The following MGAT4C variants were observed in gnomAD, a reference collection of about 807,000 sequenced individuals.
MGAT4C encodes alpha-1,3-mannosyl-glycoprotein 4-beta-N-acetylglucosaminyltransferase C.
In MGAT4C, 19 loss-of-function variants were observed where a neutral mutation model predicts 40.1. That is an observed-to-expected ratio of 0.47 (90% CI 0.33 to 0.70). The LOEUF (loss-of-function observed/expected upper bound fraction) is 0.70, where lower values mean the gene tolerates loss of function less well. Ranked by LOEUF, MGAT4C falls within the 30% of genes least tolerant of loss-of-function variation. The pLI, the probability that MGAT4C is intolerant of heterozygous loss-of-function variation, is 0.02. For missense variants in MGAT4C, 491 were observed against 563.2 expected, an observed-to-expected ratio of 0.87 and a Z score of 1.30; for synonymous variants, 181 against 187.1, an observed-to-expected ratio of 0.97 and a Z score of 0.27.
chr12:86,354,226 G>C (rs546126725), intron 3 of MGAT4C, among the ~76,000 whole-genome samples: 82 of 152,072 alleles, frequency 5.4e-4, no homozygotes, highest in African/African-American at 1.9e-3. Flanking sequence ...TCATCTATTT[G>C]CCTGCTAATA....
At chr12:86,629,088 A>T (rs1475731873) in intron 2 of MGAT4C, among the ~76,000 whole-genome samples, 1 of 152,148 alleles carries the variant, frequency 6.6e-6, no homozygotes, top group Non-Finnish European at 1.5e-5. Flanking sequence ...AAGAAAAAAA[A>T]ACCAGGGGTT....
At chr12:86,591,350 G>C (rs1391825269) in intron 2 of MGAT4C, among the ~76,000 whole-genome samples, 3 of 151,922 alleles carry the variant, frequency 2.0e-5, no homozygotes, top group Non-Finnish European at 4.4e-5. Context: ...TTACTATTTA[G>C]AGGATACTAT....
chr12:86,117,330 A>G (rs982160851), intron 1 of MGAT4C, among the ~76,000 whole-genome samples: 3 of 152,178 alleles, frequency 2.0e-5, no homozygotes, highest in Non-Finnish European at 4.4e-5. Context: ...AGGGATTTTG[A>G]GCAGGAAGGA....
intron 1 of MGAT4C, among the ~76,000 whole-genome samples, chr12:86,802,263 G>A (rs1952244073): frequency 1.3e-5 from 2 of 151,904 alleles, no homozygotes; most frequent in African/African-American, 4.8e-5. Flanking sequence ...TGCTACTCAG[G>A]TATGATTTTA....
chr12:86,543,068 A>G (rs1352392128), intron 2 of MGAT4C, among the ~76,000 whole-genome samples: 7 of 151,992 alleles, frequency 4.6e-5, no homozygotes, highest in African/African-American at 1.7e-4. Context: ...GTTTAAAGAA[A>G]TTTTATTTTG....
chr12:86,803,976 T>C (rs1274592426), intron 1 of MGAT4C, among the ~76,000 whole-genome samples: 4 of 132,398 alleles, frequency 3.0e-5, no homozygotes, highest in African/African-American at 5.7e-5. Flanking sequence ...CGTATGTTTA[T>C]TGCGGCATTA....
intron 2 of MGAT4C, among the ~76,000 whole-genome samples, chr12:86,481,995 C>G (rs1254466026): frequency 1.3e-5 from 2 of 150,536 alleles, no homozygotes; most frequent in African/African-American, 2.4e-5. Context: ...ATTAAAATAT[C>G]CCTGATAGTG....
At chr12:86,111,583 C>T (rs1877420773) in intron 1 of MGAT4C, among the ~76,000 whole-genome samples, 1 of 151,744 alleles carries the variant, frequency 6.6e-6, no homozygotes, top group South Asian at 2.1e-4. Context: ...GATTACTTTT[C>T]CTGCACTGTA....
rs367949962 is a variant in MGAT4C at position 86,439,657 on chromosome 12, C to A, written c.-228-4392G>T. On this transcript the variant is annotated intron_variant, in intron 2 of 7. Coordinates refer to the MGAT4C transcript ENST00000548651. The stretch of plus-strand genomic sequence containing the variant: ...GAGCAGAACTAAGTGAATTTGAAAT[C>A]AAAAATCAATACAAAAGGTAAATGA... Among the ~76,000 whole-genome samples, 16 of 151,848 alleles carry A rather than the reference C, an allele frequency of 1.1e-4. 1 individual carries two copies. The highest frequency in any genetic ancestry group is 2.9e-4 in the African/African-American group (12 of 41,488).
At chr12:86,109,658 G>C (rs537419093) in intron 1 of MGAT4C, among the ~76,000 whole-genome samples, 11 of 151,964 alleles carry the variant, frequency 7.2e-5, no homozygotes, top group African/African-American at 2.7e-4. Context: ...ATCCTAGGTA[G>C]AAAAAAGGAG....
At chr12:86,612,315 A>G (rs913202929) in intron 2 of MGAT4C, among the ~76,000 whole-genome samples, 1 of 152,104 alleles carries the variant, frequency 6.6e-6, no homozygotes, top group African/African-American at 2.4e-5. Context: ...TGGCCTAACT[A>G]TCATTTCTAT....
At chr12:86,389,812 T>C (rs931515599) in intron 3 of MGAT4C, among the ~76,000 whole-genome samples, 1 of 152,236 alleles carries the variant, frequency 6.6e-6, no homozygotes, top group African/African-American at 2.4e-5. Context: ...AAAATTATTC[T>C]ATGTGATAAA....
In MGAT4C at chr12:86,506,124, A is replaced by G. The variant is rs552619486; in HGVS notation, c.-228-70859T>C. On this transcript the variant is annotated intron_variant, in intron 2 of 7. Transcript: ENST00000548651. The stretch of plus-strand genomic sequence containing the variant: ...AGGTTAGGAGTTTTGTCAGAAAGAG[A>G]TGAGAAAACTGTTTCTGTGGGAAAT... 7.2e-5 allele frequency among the ~76,000 whole-genome samples: 11 copies of G among 152,288 alleles called. No homozygotes were observed. The South Asian group carries it at 1.9e-3, about 26-fold the overall frequency.
chr12:86,165,386 AG>A (rs1566077452), intron 1 of MGAT4C, among the ~76,000 whole-genome samples: 1 of 152,212 alleles, frequency 6.6e-6, no homozygotes, highest in Non-Finnish European at 1.5e-5. Context: ...ATTTTAGAAC[AG>A]TTTATTGTTT....
chr12:86,326,942 G>A (rs1954542741), intron 4 of MGAT4C, among the ~76,000 whole-genome samples: 1 of 152,086 alleles, frequency 6.6e-6, no homozygotes, highest in Non-Finnish European at 1.5e-5. Context: ...GTATTTTGAT[G>A]TCAGGAAGCC....
chr12:86,634,157 A>G (rs1263327475), intron 2 of MGAT4C, among the ~76,000 whole-genome samples: 1 of 152,160 alleles, frequency 6.6e-6, no homozygotes. Context: ...ACAGATTAGT[A>G]GACTAAAAGC....
At chr12:86,004,252 T>C (rs1407427910) in intron 2 of MGAT4C, among the ~76,000 whole-genome samples, 2 of 152,190 alleles carry the variant, frequency 1.3e-5, no homozygotes, top group African/African-American at 2.4e-5. Context: ...TATTTTTGTA[T>C]GGGCAAACAT....
chr12:86,470,297 A>G (rs1957740038), intron 2 of MGAT4C, among the ~76,000 whole-genome samples: 1 of 152,180 alleles, frequency 6.6e-6, no homozygotes, highest in Admixed American at 6.5e-5. Context: ...TCATATGGAA[A>G]TAGTACCCTT....
intron 2 of MGAT4C, among the ~76,000 whole-genome samples, chr12:86,544,476 T>C (rs1023002582): frequency 2.6e-5 from 4 of 152,302 alleles, no homozygotes; most frequent in African/African-American, 9.6e-5. Flanking sequence ...TTCTGAAAGT[T>C]AATTTTAGTT....
Sources: allele counts gnomAD v4.1 joint callset (sites outside exome capture counted in the v4.1 genomes callset), GRCh38; gene constraint gnomAD v4.1.1; transcripts MANE v1.5; gene names NCBI Gene and HGNC (gene_info 2026-07-23, HGNC 2026-07-21).